MLLT10: variants seen among roughly 807,000 people sequenced by gnomAD.
MLLT10 encodes protein AF-10.
A neutral mutation model predicts 129.1 loss-of-function variants in MLLT10; 30 were observed. The ratio of observed to expected loss-of-function variants is 0.23; its 90% CI spans 0.17 to 0.32. The LOEUF (loss-of-function observed/expected upper bound fraction) is 0.32, where lower values mean the gene tolerates loss of function less well. Among genes scored for constraint, MLLT10 ranks in the 10% least tolerant of loss-of-function variants. MLLT10 has a pLI of 1.00. For missense variants in MLLT10, 1,119 were observed against 1,268.3 expected (o/e 0.88, Z 1.79); for synonymous variants, 490 against 446.4 (o/e 1.10, Z -1.23).
At chr10:21,729,665 G>A (rs2057795433) in intron 16 of MLLT10, among the ~76,000 whole-genome samples, 1 of 152,198 alleles carries the variant, frequency 6.6e-6, no homozygotes, top group Non-Finnish European at 1.5e-5. Flanking sequence ...CTTTGGACAA[G>A]TCACTAAAAC....
chr10:21,553,192 G>A (rs1040666657), intron 3 of MLLT10, among the ~76,000 whole-genome samples: 2 of 152,112 alleles, frequency 1.3e-5, no homozygotes, highest in African/African-American at 4.8e-5. Flanking sequence ...AAATGGGATT[G>A]CTATCTTACT....
At chr10:21,571,611 A>C (rs566306623) in intron 3 of MLLT10, among the ~76,000 whole-genome samples, 3 of 152,314 alleles carry the variant, frequency 2.0e-5, no homozygotes, top group Admixed American at 6.5e-5. Flanking sequence ...TCGTGCAAGG[A>C]GGCTATATCT....
At chr10:21,562,664 C>A (rs896829257) in intron 3 of MLLT10, among the ~76,000 whole-genome samples, 2 of 151,674 alleles carry the variant, frequency 1.3e-5, no homozygotes, top group African/African-American at 4.8e-5. Flanking sequence ...GTAGTAAAAT[C>A]TTAGCAACAT....
At chr10:21,600,909 TTA>T (rs1178508282) in intron 5 of MLLT10, among the ~76,000 whole-genome samples, 1 of 152,124 alleles carries the variant, frequency 6.6e-6, no homozygotes, top group East Asian at 1.9e-4. Flanking sequence ...CTATTATTCA[TTA>T]TATTTGTTTC....
At chr10:21,552,946 T>C (rs1446548929) in intron 3 of MLLT10, among the ~76,000 whole-genome samples, 1 of 151,934 alleles carries the variant, frequency 6.6e-6, no homozygotes, top group South Asian at 2.1e-4. Context: ...CCAGGGACCT[T>C]CTTCTGGGTA....
intron 13 of MLLT10, among the ~76,000 whole-genome samples, chr10:21,704,347 CTCTCTCTCTCTATA>C (rs951122671): frequency 4.1e-4 from 25 of 60,706 alleles, no homozygotes; most frequent in African/African-American, 1.2e-3. Flanking sequence ...CTCTCTCTCT[CTCTCTCTCTCTATA>C]TATATATATA....
chr10:21,670,325 T>A, intron 9 of MLLT10, 124 bp from the exon 10 acceptor site: 1 of 900,570 alleles, frequency 1.1e-6, no homozygotes, highest in Non-Finnish European at 1.6e-6. Context: ...TGAACTGACT[T>A]ATTTTTAGAA....
intron 14 of MLLT10, among the ~76,000 whole-genome samples, chr10:21,717,362 G>C (rs1470914395): frequency 1.6e-5 from 2 of 124,962 alleles, no homozygotes; most frequent in Non-Finnish European, 1.6e-5. Flanking sequence ...AACTTGATTT[G>C]TGCTGGGAAA....
intron 8 of MLLT10, among the ~76,000 whole-genome samples, chr10:21,619,184 C>T (rs1040554193): frequency 6.6e-6 from 1 of 152,016 alleles, no homozygotes; most frequent in Non-Finnish European, 1.5e-5. Context: ...GATTAGATTG[C>T]TGATAAAAAA....
At chr10:21,618,384 T>C (rs112053929) in intron 8 of MLLT10, among the ~76,000 whole-genome samples, 104 of 151,632 alleles carry the variant, frequency 6.9e-4, no homozygotes, top group African/African-American at 2.4e-3. Context: ...TTGTTTGTAA[T>C]CCCAGCTACT....
chr10:21,682,106 C>A, intron 12 of MLLT10, 119 bp from the exon 13 acceptor site: 2 of 689,874 alleles, frequency 2.9e-6, no homozygotes, highest in Non-Finnish European at 2.3e-6. Context: ...ATGATTCAAA[C>A]AATGATATAT....
At chr10:21,736,816 C>CAGTT (rs781013673) in intron 21 of MLLT10, among the ~76,000 whole-genome samples, 27 of 152,186 alleles carry the variant, frequency 1.8e-4, no homozygotes, top group Middle Eastern at 3.4e-3. Context: ...GGCAGAGATG[C>CAGTT]AGTTAGTTAG....
intron 2 of MLLT10, among the ~76,000 whole-genome samples, chr10:21,535,052 G>C (rs1203585486): frequency 6.7e-6 from 1 of 149,276 alleles, no homozygotes; most frequent in Non-Finnish European, 1.5e-5. Flanking sequence ...GCCTGGGGCC[G>C]GGGTCTGCTG....
chr10:21,717,810 T>TCCTTCTTCTCCTCCTTCTC (rs2056820207), intron 14 of MLLT10, among the ~76,000 whole-genome samples: 1 of 87,964 alleles, frequency 1.1e-5, no homozygotes, highest in Non-Finnish European at 2.1e-5. Flanking sequence ...TCCTTCTTCT[T>TCCTTCTTCTCCTCCTTCTC]CTCCTTCTTC....
At chr10:21,621,683 A>T (rs1339838096) in intron 8 of MLLT10, among the ~76,000 whole-genome samples, 2 of 108,922 alleles carry the variant, frequency 1.8e-5, no homozygotes, top group African/African-American at 7.1e-5. Flanking sequence ...GTCTACTGGG[A>T]TTCCACACCC....
At chr10:21,539,440 G>A (rs1478597986) in intron 3 of MLLT10, among the ~76,000 whole-genome samples, 1 of 147,848 alleles carries the variant, frequency 6.8e-6, no homozygotes, top group African/African-American at 2.5e-5. Flanking sequence ...TTTAACTTGG[G>A]TGGTTACCTT....
Position 21,617,190 on chromosome 10 carries a change from C to A in MLLT10, c.682C>A (p.His228Asn). The A allele has an allele frequency of 1.3e-6, 2 of 1,513,396 alleles. No homozygotes were observed. The highest frequency in any genetic ancestry group is 1.8e-6 in the Non-Finnish European group (2 of 1,123,658). The allele number at this position is 1,513,396 out of a possible 1,614,324, so 93.7% of individuals were successfully genotyped here. ...TTCCTCTCACTCTCAGGATAAACAT[C>A]ATGAGAAAGAGAAAAAAGTAAGTGG... Reference protein sequence around the residue: ...DSSSHSQDKHHEKEKKKYKEK... With the variant: ...DSSSHSQDKHNEKEKKKYKEK... The change falls in exon 8 of 23, where the codon CAT becomes AAT. Residue 228 changes from histidine to asparagine, a missense_variant. His to Asn is a moderately conservative substitution (Grantham distance 68, BLOSUM62 1). Coordinates refer to ENST00000307729, the MANE Select transcript of MLLT10 (RefSeq NM_001195626.3).
rs375759167 is a variant in MLLT10, at chr10:21,607,098, A to G, written c.406-5250A>G. Among the ~76,000 whole-genome samples the G allele has an allele frequency of 2.6e-5, 4 of 152,222 alleles. No homozygotes were observed. In the East Asian group the frequency reaches 5.8e-4, roughly 22 times the overall value. ...ATAGCAAGACCTTGTCTCTACTTGA[A>G]AGGTAGTGAAAGTGCCACAACCACC... On this transcript the variant is annotated intron_variant, in intron 5 of 22. Transcript: ENST00000307729.
chr10:21,704,830 A>G (rs1289919189), intron 13 of MLLT10, among the ~76,000 whole-genome samples: 1 of 152,184 alleles, frequency 6.6e-6, no homozygotes, highest in Non-Finnish European at 1.5e-5. Flanking sequence ...CTTAAACAGT[A>G]TCAGCAGTGG....
Sources: gnomAD v4.1 joint callset for allele counts (sites outside exome capture counted in the v4.1 genomes callset) on GRCh38, gnomAD v4.1.1 for gene constraint, MANE v1.5 for transcripts, NCBI Gene and HGNC (gene_info 2026-07-23, HGNC 2026-07-21) for gene names.